Variants in PRKCE observed in about 807,000 individuals in gnomAD.
The protein encoded by PRKCE is protein kinase C epsilon, also known as protein kinase C epsilon type.
In PRKCE, 16 loss-of-function variants were observed where a neutral mutation model predicts 85.4. That is an observed-to-expected ratio of 0.19 (90% CI 0.13 to 0.28). PRKCE has a LOEUF of 0.28. Ranked by LOEUF, PRKCE falls within the 10% of genes least tolerant of loss-of-function variation. The probability of loss-of-function intolerance (pLI) is 1.00; values close to 1 mark genes in which losing one functional copy is unlikely to be tolerated. For synonymous variants in PRKCE, 388 were observed against 371.5 expected (o/e 1.04, Z -0.51); for missense variants, 573 against 975.2 (o/e 0.59, Z 5.49).
chr2:46,114,109 C>T (rs924330479), intron 11 of PRKCE, among the ~76,000 whole-genome samples: 4 of 152,068 alleles, frequency 2.6e-5, no homozygotes, highest in South Asian at 2.1e-4. Flanking sequence ...CCTTTGGACC[C>T]GAATGAGCAG....
chr2:45,838,996 A>G (rs938400362), intron 1 of PRKCE, among the ~76,000 whole-genome samples: 9 of 152,082 alleles, frequency 5.9e-5, no homozygotes, highest in Non-Finnish European at 1.0e-4. Context: ...ATCTCATTTA[A>G]TCTCACAGCA....
At chr2:45,892,982 C>G (rs1465422060) in intron 2 of PRKCE, among the ~76,000 whole-genome samples, 3 of 152,164 alleles carry the variant, frequency 2.0e-5, no homozygotes, top group Admixed American at 2.0e-4. Flanking sequence ...TCAGCCTGGG[C>G]CTCCTGCCCA....
intron 2 of PRKCE, among the ~76,000 whole-genome samples, chr2:45,893,360 T>C (rs1363733771): frequency 1.6e-5 from 2 of 123,020 alleles, no homozygotes; most frequent in Non-Finnish European, 1.8e-5. Context: ...TTTCTTTTTT[T>C]TTTTTTTTTG....
chr2:46,075,336 C>T (rs1302969510), intron 10 of PRKCE, among the ~76,000 whole-genome samples: 4 of 151,940 alleles, frequency 2.6e-5, no homozygotes, highest in South Asian at 2.1e-4. Flanking sequence ...GTGCCCGGCC[C>T]GCTCAAAAAT....
At chr2:45,729,452 C>T (rs1681375037) in intron 1 of PRKCE, among the ~76,000 whole-genome samples, 1 of 151,354 alleles carries the variant, frequency 6.6e-6, no homozygotes, top group African/African-American at 2.4e-5. Context: ...CAGCTCGGCC[C>T]TCCCTGGAGC....
At chr2:45,658,847 T>G (rs1675502909) in intron 1 of PRKCE, among the ~76,000 whole-genome samples, 1 of 152,234 alleles carries the variant, frequency 6.6e-6, no homozygotes, top group South Asian at 2.1e-4. Context: ...TTTGACTTAG[T>G]TATACTTAAC....
chr2:45,675,947 C>A (rs955638171), intron 1 of PRKCE: 6 of 152,146 alleles, frequency 3.9e-5, no homozygotes, highest in African/African-American at 1.2e-4. Flanking sequence ...ATAGTTGCTG[C>A]CTCCACTCCA....
At chr2:45,948,612 C>G (rs1248316331) in intron 2 of PRKCE, among the ~76,000 whole-genome samples, 2 of 152,168 alleles carry the variant, frequency 1.3e-5, no homozygotes, top group African/African-American at 4.8e-5. Context: ...GCACTCTAGC[C>G]TGGGTGACAG....
chr2:45,861,242 T>C lies in PRKCE; in HGVS notation c.412+18179T>C, dbSNP rs538764128. 1.3e-4 allele frequency among the ~76,000 whole-genome samples: 20 copies of C among 152,288 alleles called. No homozygotes were observed. In the South Asian group the frequency reaches 3.9e-3, roughly 30 times the overall value. Reference sequence around the variant, plus strand: ...GGCTTGAGGCTAGAGACTAATTTGGTTCTAACCTCCACAGGCAATCCTTGT... The same window carrying C: ...GGCTTGAGGCTAGAGACTAATTTGGCTCTAACCTCCACAGGCAATCCTTGT... On this transcript the variant is annotated intron_variant, in intron 2 of 14. Transcript: ENST00000306156.
At chr2:45,954,620 AG>A (rs1376437222) in intron 2 of PRKCE, among the ~76,000 whole-genome samples, 1 of 152,220 alleles carries the variant, frequency 6.6e-6, no homozygotes, top group Non-Finnish European at 1.5e-5. Flanking sequence ...ACAAGAGAAA[AG>A]TAATGTATAG....
intron 2 of PRKCE, among the ~76,000 whole-genome samples, chr2:45,893,581 T>G (rs1695901421): frequency 6.6e-6 from 1 of 151,920 alleles, no homozygotes; most frequent in Admixed American, 6.6e-5. Flanking sequence ...TTGGCCAGGC[T>G]GGTCTCCTGA....
chr2:45,922,261 GT>G (rs1698302706), intron 2 of PRKCE, among the ~76,000 whole-genome samples: 1 of 152,186 alleles, frequency 6.6e-6, no homozygotes, highest in African/African-American at 2.4e-5. Flanking sequence ...TTAAATGGTA[GT>G]TTTACAAATT....
intron 5 of PRKCE, among the ~76,000 whole-genome samples, chr2:45,981,424 T>C (rs1265476650): frequency 6.6e-6 from 1 of 152,220 alleles, no homozygotes; most frequent in Admixed American, 6.5e-5. Context: ...TTCTTAATAA[T>C]TGAGTCAAAT....
intron 1 of PRKCE, among the ~76,000 whole-genome samples, chr2:45,661,012 C>A (rs150455656): frequency 1.3e-5 from 2 of 152,158 alleles, no homozygotes; most frequent in Admixed American, 1.3e-4. Flanking sequence ...AACCCAGATG[C>A]TGAAATGAGG....
At chr2:46,168,294 C>T (rs1365176948) in intron 14 of PRKCE, among the ~76,000 whole-genome samples, 1 of 152,164 alleles carries the variant, frequency 6.6e-6, no homozygotes, top group Non-Finnish European at 1.5e-5. Context: ...CCCAGACCCA[C>T]CTGCACTTGA....
chr2:45,899,383 T>TC (rs1331472967), intron 2 of PRKCE, among the ~76,000 whole-genome samples: 1 of 151,220 alleles, frequency 6.6e-6, no homozygotes, highest in African/African-American at 2.5e-5. Context: ...AAATTTTTTT[T>TC]CTTTTTTTTT....
chr2:45,855,769 C>A (rs753926175), intron 2 of PRKCE, among the ~76,000 whole-genome samples: 82 of 152,156 alleles, frequency 5.4e-4, no homozygotes, highest in Non-Finnish European at 5.0e-4. Context: ...AGCTTCTTAA[C>A]TTGAGAAGGG....
intron 10 of PRKCE, among the ~76,000 whole-genome samples, chr2:46,082,916 G>T (rs1288035823): frequency 6.6e-6 from 1 of 152,148 alleles, no homozygotes; most frequent in Non-Finnish European, 1.5e-5. Flanking sequence ...TAACCTTCAT[G>T]AGAATTCTGT....
At chr2:45,868,970 A>G (rs1693855509) in intron 2 of PRKCE, among the ~76,000 whole-genome samples, 1 of 151,300 alleles carries the variant, frequency 6.6e-6, no homozygotes, top group African/African-American at 2.4e-5. Flanking sequence ...AAAAAAAAAA[A>G]AAAGAAAAAA....
Sources: gnomAD v4.1 joint callset for allele counts (sites outside exome capture counted in the v4.1 genomes callset) on GRCh38, gnomAD v4.1.1 for gene constraint, MANE v1.5 for transcripts, NCBI Gene and HGNC (gene_info 2026-07-23, HGNC 2026-07-21) for gene names.